The following IMMP1L variants were observed in gnomAD, a reference collection of about 807,000 sequenced individuals.
IMMP1L encodes inner mitochondrial membrane peptidase subunit 1.
A neutral mutation model predicts 21.8 loss-of-function variants in IMMP1L; 24 were observed. The observed-to-expected ratio is 1.10, with a 90% CI of 0.80 to 1.55. The LOEUF (loss-of-function observed/expected upper bound fraction) is 1.55, where lower values mean the gene tolerates loss of function less well. Ranked by LOEUF, IMMP1L falls within the 40% of genes most tolerant of loss-of-function variation. The pLI, the probability that IMMP1L is intolerant of heterozygous loss-of-function variation, is 0.00. For synonymous variants in IMMP1L, 46 were observed against 62.8 expected (o/e 0.73, Z 1.26); for missense variants, 195 against 200.7 (o/e 0.97, Z 0.17).
intron 2 of IMMP1L, among the ~76,000 whole-genome samples, chr11:31,461,970 A>G (rs764547449): frequency 6.6e-6 from 1 of 152,156 alleles, no homozygotes; most frequent in Non-Finnish European, 1.5e-5. Flanking sequence ...ATACAATTAC[A>G]GTTTGTTTGC....
At chr11:31,509,378 G>T (rs1250856026) in intron 1 of IMMP1L, 141 bp downstream of exon 1, 1 of 174,148 alleles carries the variant, frequency 5.7e-6, no homozygotes, top group Admixed American at 5.5e-5. Context: ...CAGGAAAAAA[G>T]TCTATCCTCA....
intron 1 of IMMP1L, among the ~76,000 whole-genome samples, chr11:31,468,736 CA>C (rs2133695655): frequency 6.6e-6 from 1 of 152,178 alleles, no homozygotes; most frequent in Admixed American, 6.5e-5. Context: ...TACATAAATA[CA>C]TTAAGTAATT....
chr11:31,443,937 G>A (rs1007008866), intron 4 of IMMP1L, among the ~76,000 whole-genome samples: 1 of 152,136 alleles, frequency 6.6e-6, no homozygotes, highest in African/African-American at 2.4e-5. Context: ...CTGCTGAGTA[G>A]GTTTAAAGCT....
intron 1 of IMMP1L, among the ~76,000 whole-genome samples, chr11:31,500,042 G>A (rs1955568832): frequency 6.6e-6 from 1 of 152,000 alleles, no homozygotes. Context: ...GCTAGGTTAG[G>A]GGCCTCCTCA....
chr11:31,484,788 C>CT (rs1491051078), intron 1 of IMMP1L, among the ~76,000 whole-genome samples: 4 of 151,818 alleles, frequency 2.6e-5, no homozygotes, highest in African/African-American at 9.7e-5. Flanking sequence ...CTCTAAAATA[C>CT]TTTGTTTATA....
At chr11:31,468,236 A>G (rs1954428028) in intron 1 of IMMP1L, among the ~76,000 whole-genome samples, 1 of 152,146 alleles carries the variant, frequency 6.6e-6, no homozygotes, top group African/African-American at 2.4e-5. Flanking sequence ...TCAGTGTTAA[A>G]TTTCTTAACA....
At chr11:31,483,643 T>C (rs1056380738) in intron 1 of IMMP1L, among the ~76,000 whole-genome samples, 5 of 152,008 alleles carry the variant, frequency 3.3e-5, no homozygotes, top group Admixed American at 3.3e-4. Flanking sequence ...GATTTGCCTT[T>C]ATATGTGGGA....
intron 1 of IMMP1L, among the ~76,000 whole-genome samples, chr11:31,502,351 T>C (rs1042265240): frequency 6.6e-6 from 1 of 152,250 alleles, no homozygotes. Flanking sequence ...AAATAATGTT[T>C]GCTAGGATAT....
chr11:31,490,167 T>C (rs1296422666), intron 1 of IMMP1L, among the ~76,000 whole-genome samples: 1 of 152,162 alleles, frequency 6.6e-6, no homozygotes, highest in South Asian at 2.1e-4. Flanking sequence ...CACATATGTG[T>C]GTGTATGTAA....
intron 1 of IMMP1L, among the ~76,000 whole-genome samples, chr11:31,491,865 G>T (rs1416294961): frequency 6.6e-6 from 1 of 152,090 alleles, no homozygotes; most frequent in Non-Finnish European, 1.5e-5. Context: ...GACATACATG[G>T]GAGACCCACA....
chr11:31,439,648 GTT>G (rs1953251950), intron 4 of IMMP1L, among the ~76,000 whole-genome samples: 1 of 152,198 alleles, frequency 6.6e-6, no homozygotes, highest in African/African-American at 2.4e-5. Flanking sequence ...TTTGTTGTCT[GTT>G]TTTATAGAGT....
chr11:31,501,763 G>T (rs1294957930), intron 1 of IMMP1L, among the ~76,000 whole-genome samples: 1 of 151,310 alleles, frequency 6.6e-6, no homozygotes, highest in Non-Finnish European at 1.5e-5. Flanking sequence ...AGCCCAGCCT[G>T]GCCAAAACAG....
At chr11:31,477,245 G>A (rs967315968) in intron 1 of IMMP1L, 6 of 151,774 alleles carry the variant, frequency 4.0e-5, no homozygotes, top group African/African-American at 1.2e-4. Flanking sequence ...TTTCATAGTG[G>A]CTCTATAGCC....
chr11:31,478,679 T>G (rs993655209), intron 1 of IMMP1L, among the ~76,000 whole-genome samples: 25 of 152,108 alleles, frequency 1.6e-4, no homozygotes, highest in African/African-American at 6.0e-4. Flanking sequence ...CCCTCGAAAT[T>G]TAGAAAATGT....
chr11:31,434,702 T>G (rs1416152575), intron 4 of IMMP1L, among the ~76,000 whole-genome samples: 2 of 152,208 alleles, frequency 1.3e-5, no homozygotes, highest in Non-Finnish European at 2.9e-5. Flanking sequence ...CTGGAAAGTC[T>G]TATGTACAAA....
intron 1 of IMMP1L, among the ~76,000 whole-genome samples, chr11:31,502,127 A>T (rs1279918208): frequency 6.6e-6 from 1 of 152,232 alleles, no homozygotes; most frequent in Non-Finnish European, 1.5e-5. Context: ...AAGATATAGT[A>T]CTACAAATGA....
At chr11:31,449,236 T>C (rs977690598) in intron 4 of IMMP1L, 1 of 228,024 alleles carries the variant, frequency 4.4e-6, no homozygotes, top group Non-Finnish European at 7.3e-6. Flanking sequence ...TTCCTCTCTC[T>C]ACAGAGAAGT....
intron 4 of IMMP1L, chr11:31,433,777 T>C: frequency 2.5e-6 from 1 of 404,824 alleles, no homozygotes. Context: ...TTTAAAAACC[T>C]ATCATCTTTT....
At chr11:31,452,790 G>T in intron 4 of IMMP1L, 3 of 975,194 alleles carry the variant, frequency 3.1e-6, no homozygotes, top group Non-Finnish European at 3.7e-6. Flanking sequence ...CGCTCTTGTT[G>T]CCCAGGCTGC....
Sources: allele counts gnomAD v4.1 joint callset (sites outside exome capture counted in the v4.1 genomes callset), GRCh38; gene constraint gnomAD v4.1.1; transcripts MANE v1.5; gene names NCBI Gene and HGNC (gene_info 2026-07-23, HGNC 2026-07-21).